ADGRE1: variants seen among roughly 807,000 people sequenced by gnomAD.
The protein encoded by ADGRE1 is EGF-like module receptor 1.
In ADGRE1, 82 loss-of-function variants were observed where a neutral mutation model predicts 102.7. That is an observed-to-expected ratio of 0.80 (90% CI 0.67 to 0.96). The LOEUF is 0.96. ADGRE1 is among the 40% of genes least tolerant of loss of function. The probability of loss-of-function intolerance (pLI) is 0.00; values close to 1 mark genes in which losing one functional copy is unlikely to be tolerated. For synonymous variants in ADGRE1, 398 were observed against 399.6 expected, an observed-to-expected ratio of 1.00 and a Z score of 0.05; for missense variants, 1,032 against 1,085.3, an observed-to-expected ratio of 0.95 and a Z score of 0.69.
chr19:6,907,188 C>T (rs1030933941), intron 9 of ADGRE1, among the ~76,000 whole-genome samples: 16 of 152,090 alleles, frequency 1.1e-4, no homozygotes, highest in Non-Finnish European at 2.1e-4. Context: ...TATGGGCTTC[C>T]CACATGCCTT....
chr19:6,896,595 A>G (rs938460371), intron 3 of ADGRE1, 54 bp downstream of exon 3: 13 of 1,589,256 alleles, frequency 8.2e-6, no homozygotes, highest in Non-Finnish European at 1.0e-5. Flanking sequence ...ATCAAGTCAA[A>G]GCTGGCTGGG....
intron 2 of ADGRE1, among the ~76,000 whole-genome samples, chr19:6,892,476 T>A (rs1973416808): frequency 6.6e-6 from 1 of 152,200 alleles, no homozygotes; most frequent in Admixed American, 6.5e-5. Flanking sequence ...CCTTCATTGA[T>A]TCCCTCTGGG....
At chr19:6,917,805 T>A (rs1262629724) in intron 12 of ADGRE1, among the ~76,000 whole-genome samples, 1 of 152,070 alleles carries the variant, frequency 6.6e-6, no homozygotes, top group Admixed American at 6.6e-5. Flanking sequence ...CTTTCTCTGT[T>A]GGGCACAGAA....
At chr19:6,890,649 T>C (rs979859543) in intron 2 of ADGRE1, 106 bp downstream of exon 2, 2 of 1,210,772 alleles carry the variant, frequency 1.7e-6, no homozygotes, top group South Asian at 2.7e-5. Flanking sequence ...TGCTGGGAGC[T>C]AGTTAGCGGC....
chr19:6,906,586 T>C (rs1973966696), intron 9 of ADGRE1, 65 bp downstream of exon 9: 1 of 1,470,394 alleles, frequency 6.8e-7, no homozygotes, highest in Non-Finnish European at 9.4e-7. Context: ...TAGAATGTTG[T>C]TTTTGCAGTT....
chr19:6,928,042 C>A, intron 16 of ADGRE1, 103 bp from the exon 17 acceptor site: 1 of 1,397,412 alleles, frequency 7.2e-7, no homozygotes, highest in Non-Finnish European at 9.7e-7. Flanking sequence ...ATCTGAGTCT[C>A]ACCTCCCAGT....
chr19:6,902,091 G>C (rs1219068087), intron 6 of ADGRE1, 70 bp downstream of exon 6: 43 of 1,577,408 alleles, frequency 2.7e-5, no homozygotes, highest in Non-Finnish European at 3.7e-5. Flanking sequence ...GGGGATTAGG[G>C]TGGGTCTTGG....
intron 12 of ADGRE1, among the ~76,000 whole-genome samples, chr19:6,918,325 C>A (rs981047284): frequency 3.9e-5 from 6 of 152,014 alleles, no homozygotes; most frequent in Non-Finnish European, 8.8e-5. Flanking sequence ...CCTGTAATCC[C>A]AGCTACTCGG....
chr19:6,903,660 C>T, intron 6 of ADGRE1, 150 bp from the exon 7 acceptor site: 6 of 973,944 alleles, frequency 6.2e-6, no homozygotes, highest in Non-Finnish European at 9.1e-6. Flanking sequence ...AGTCACATGA[C>T]CTCACCTAGA....
intron 1 of ADGRE1, among the ~76,000 whole-genome samples, chr19:6,888,388 C>T (rs997613753): frequency 6.6e-6 from 1 of 152,170 alleles, no homozygotes; most frequent in African/African-American, 2.4e-5. Flanking sequence ...GCTCTTATTT[C>T]TCTTTCTTCA....
intron 20 of ADGRE1, 26 bp downstream of exon 20, chr19:6,937,674 G>A (rs373952393): frequency 6.2e-7 from 1 of 1,608,124 alleles, no homozygotes; most frequent in Non-Finnish European, 8.5e-7. Context: ...CTCCCTGCAG[G>A]TGCTGGTCGA....
At position 6,938,789 on chromosome 19, in the gene ADGRE1, CTTT is replaced by C. The variant is rs779829202; in HGVS notation, c.2655+1142_2655+1144del. Among the ~76,000 whole-genome samples, 616 of 146,052 alleles carry C rather than the reference CTTT, an allele frequency of 4.2e-3. 1 individual carries two copies. Among genetic ancestry groups the C allele is most frequent in the Non-Finnish European group, 6.9e-3 (458 of 66,646 alleles). ...TATTTTCTTTTTTCTTTCTTTCTTTCTTTCTTTTTTTCTTTTTTTTTTTTGAGA... is the reference window on the plus strand; with the variant it reads ...TATTTTCTTTTTTCTTTCTTTCTTTCCTTTTTTTCTTTTTTTTTTTTGAGA... On this transcript the variant is annotated intron_variant, in intron 20 of 20. Transcript: ENST00000312053.
At chr19:6,928,022 C>A in intron 16 of ADGRE1, 123 bp from the exon 17 acceptor site, 6 of 1,240,558 alleles carry the variant, frequency 4.8e-6, no homozygotes, top group Non-Finnish European at 6.7e-6. Context: ...CCGGGACCAT[C>A]CTGAGCATCA....
In ADGRE1 at chr19:6,928,363, C is replaced by T. The variant is rs368187917; in HGVS notation, c.2289+152C>T. The T allele has an allele frequency of 2.4e-4, 367 of 1,500,580 alleles. No individual in the cohort carries two copies. The African/African-American group carries it at 3.2e-3, about 13-fold the overall frequency. The allele number at this position is 1,500,580 out of a possible 1,614,324, so 93.0% of individuals were successfully genotyped here. Reference sequence around the variant, plus strand: ...TTTCCAGGCCGGGCGTGGTGGCTCACGCCTGTAATCCCAGCACTTTGGGAG... The same window carrying T: ...TTTCCAGGCCGGGCGTGGTGGCTCATGCCTGTAATCCCAGCACTTTGGGAG... On this transcript the variant is annotated intron_variant, in intron 17 of 20. Transcript: ENST00000312053.
intron 15 of ADGRE1, among the ~76,000 whole-genome samples, chr19:6,925,415 G>A (rs918269674): frequency 7.4e-4 from 113 of 152,184 alleles, no homozygotes; most frequent in African/African-American, 2.5e-3. Flanking sequence ...CAGCCATCAC[G>A]CACGGCCCCT....
intron 17 of ADGRE1, among the ~76,000 whole-genome samples, chr19:6,930,827 C>T (rs368128281): frequency 5.3e-5 from 8 of 151,858 alleles, no homozygotes; most frequent in Non-Finnish European, 1.0e-4. Context: ...TTAGTAGAGA[C>T]GGGATTTCGC....
chr19:6,933,305 G>A lies in ADGRE1; in HGVS notation c.2290-1682G>A, dbSNP rs368773453. Among the ~76,000 whole-genome samples, 6 of 152,108 alleles carry A rather than the reference G, an allele frequency of 3.9e-5. 2 individuals carry two copies. Among genetic ancestry groups the A allele is most frequent in the East Asian group, 1.9e-4 (1 of 5,168 alleles). On this transcript the variant is annotated intron_variant, in intron 17 of 20. Transcript: ENST00000312053. ...GCTTTCTTGGAAGTTCTACTCATCT[G>A]GAAAAAATAATTCCCCTGGGGCCGT...
In ADGRE1 at chr19:6,889,729, C is replaced by T. The variant is rs187185945; in HGVS notation, c.32-752C>T. Among the ~76,000 whole-genome samples the T allele has an allele frequency of 2.7e-3, 405 of 149,206 alleles. 2 individuals are homozygous for T. The highest frequency in any genetic ancestry group is 4.9e-3 in the Non-Finnish European group (333 of 67,512). On this transcript the variant is annotated intron_variant, in intron 1 of 20. Coordinates refer to ENST00000312053, the MANE Select transcript of ADGRE1 (RefSeq NM_001974.5). The stretch of plus-strand genomic sequence containing the variant: ...AAAAAAAGGAAAGAAAAACGAATTG[C>T]CCTACCCTCTCATGAAATGTTAATA...
intron 13 of ADGRE1, 96 bp downstream of exon 13, chr19:6,919,843 G>A (rs1285123062): frequency 2.4e-6 from 3 of 1,247,416 alleles, no homozygotes; most frequent in Middle Eastern, 2.5e-4. Context: ...GGAAGCTATT[G>A]AGGCCGGTAA....
Sources: allele counts gnomAD v4.1 joint callset (sites outside exome capture counted in the v4.1 genomes callset), GRCh38; gene constraint gnomAD v4.1.1; transcripts MANE v1.5; gene names NCBI Gene and HGNC (gene_info 2026-07-23, HGNC 2026-07-21).